LRBA: variants seen among roughly 807,000 people sequenced by gnomAD.
The protein encoded by LRBA is LPS responsive beige-like anchor protein.
In LRBA, 176 loss-of-function variants were observed where a neutral mutation model predicts 330.0. That is an observed-to-expected ratio of 0.53 (90% confidence interval 0.47 to 0.60). The LOEUF is 0.60. LRBA is among the 20% of genes least tolerant of loss of function. The pLI is 0.00. For synonymous variants in LRBA, 1,230 were observed against 1,193.0 expected, an observed-to-expected ratio of 1.03 and a Z score of -0.64; for missense variants, 3,259 against 3,444.8, an observed-to-expected ratio of 0.95 and a Z score of 1.35.
intron 2 of LRBA, among the ~76,000 whole-genome samples, chr4:151,005,156 C>T (rs911518355): frequency 8.0e-5 from 12 of 150,790 alleles, no homozygotes; most frequent in African/African-American, 2.9e-4. Context: ...TTATAAAACA[C>T]CCTGTAATGG....
intron 53 of LRBA, among the ~76,000 whole-genome samples, chr4:150,301,150 G>C (rs995227): frequency 2.0e-5 from 3 of 151,978 alleles, no homozygotes; most frequent in Non-Finnish European, 4.4e-5. Flanking sequence ...AAATTGAAAG[G>C]AGTCACTTAT....
At chr4:150,682,518 T>C (rs968811535) in intron 37 of LRBA, among the ~76,000 whole-genome samples, 2 of 152,194 alleles carry the variant, frequency 1.3e-5, no homozygotes, top group Admixed American at 1.3e-4. Flanking sequence ...TATGCAAATA[T>C]TCTTTGTAAT....
rs1561250534 is a variant in LRBA, at chr4:150,489,286, A to AT, written c.6449-1453_6449-1452insA. Among the ~76,000 whole-genome samples the AT allele has an allele frequency of 8.6e-4, 78 of 90,528 alleles. 7 individuals are homozygous for AT. In the Admixed American group the frequency reaches 0.012, roughly 14 times the overall value. 59.4% of individuals were successfully genotyped at this position (90,528 alleles called of 152,430 possible). On this transcript the variant is annotated intron_variant, in intron 41 of 56. Coordinates refer to ENST00000651943, the MANE Select transcript of LRBA (RefSeq NM_001364905.1). ...TAAGAATATATAATATATTATATAT[A>AT]AGAATATATAATATATTATATATAA...
rs1730568544 is a variant in LRBA, at chr4:150,900,177, A to G, written c.1796T>C (p.Ile599Thr). ...GGTGTTATATATGTTGACTGTACCA[A>G]TGAATTCCGTGGACAGATAAGTATA... ...MLYTYLSTEF[I>T]GTVNIYNTIR... Residue 599 changes from isoleucine to threonine, a missense_variant, in exon 14 of 57, where the codon ATT (isoleucine) becomes ACT (threonine). Coordinates refer to ENST00000651943, the MANE Select transcript of LRBA (RefSeq NM_001364905.1). 1.9e-6 allele frequency: 3 copies of G among 1,613,286 alleles called. No individual in the cohort carries two copies. Among genetic ancestry groups the G allele is most frequent in the Middle Eastern group, 1.7e-4 (1 of 6,058 alleles).
rs376608229 is a variant in LRBA, at chr4:150,725,825, T to C, written c.5754+9433A>G. Reference sequence around the variant, plus strand: ...ATAAAAAGAAAAACAACAGAAAGTTTAAAACTAGAGAGACAAAGTTACAGC... The same window carrying C: ...ATAAAAAGAAAAACAACAGAAAGTTCAAAACTAGAGAGACAAAGTTACAGC... On this transcript the variant is annotated intron_variant, in intron 36 of 56. Coordinates refer to ENST00000651943, the MANE Select transcript of LRBA (RefSeq NM_001364905.1). Among the ~76,000 whole-genome samples, 16 of 152,300 alleles carry C rather than the reference T, an allele frequency of 1.1e-4. No homozygotes were observed. The East Asian group carries it at 2.1e-3, about 20-fold the overall frequency.
In LRBA at chr4:150,286,057, A is replaced by G; in HGVS notation, c.8018-23T>C. On this transcript the variant is annotated intron_variant, in intron 53 of 56. Transcript: ENST00000651943. ...CACCTTTAGGAAAAAACAGATAAAA[A>G]GAACAAATCAATTCAATTTCATGCA... is the stretch of plus-strand genomic sequence containing the variant. The G allele has an allele frequency of 2.1e-6, 3 of 1,459,450 alleles. No homozygotes were observed. In the East Asian group the frequency reaches 7.4e-5, roughly 36 times the overall value. The allele number at this position is 1,459,450 out of a possible 1,614,324, so 90.4% of individuals were successfully genotyped here. A position where few individuals can be genotyped will look rare whatever the true frequency, so the allele number is the denominator to read the frequency against.
chr4:150,443,907 A>G (rs912592279), intron 44 of LRBA, among the ~76,000 whole-genome samples: 3 of 139,522 alleles, frequency 2.2e-5, no homozygotes, highest in African/African-American at 7.7e-5. Flanking sequence ...GCCACCTCCA[A>G]CCAAACTGAC....
chr4:150,796,854 G>A (rs536079312), intron 34 of LRBA, among the ~76,000 whole-genome samples: 18 of 152,004 alleles, frequency 1.2e-4, no homozygotes, highest in African/African-American at 4.3e-4. Flanking sequence ...GTAGACATAA[G>A]AATGCTATAT....
intron 2 of LRBA, 22 bp downstream of exon 2, chr4:151,014,405 T>C: frequency 1.3e-6 from 2 of 1,584,384 alleles, no homozygotes; most frequent in Non-Finnish European, 8.7e-7. Context: ...AGTATATGCT[T>C]ATAAAATATT....
intron 44 of LRBA, among the ~76,000 whole-genome samples, chr4:150,454,033 T>C (rs1200386863): frequency 6.6e-6 from 1 of 152,122 alleles, no homozygotes; most frequent in Non-Finnish European, 1.5e-5. Flanking sequence ...CGATCTCCAC[T>C]CACTGCAACC....
chr4:150,522,343 A>C (rs1462408062), intron 40 of LRBA, among the ~76,000 whole-genome samples: 1 of 152,232 alleles, frequency 6.6e-6, no homozygotes, highest in Non-Finnish European at 1.5e-5. Flanking sequence ...TGTTGTCAAG[A>C]GTAGAATATT....
At chr4:150,844,872 T>C (rs1749627624) in intron 26 of LRBA, 93 bp from the exon 27 acceptor site, 1 of 1,026,700 alleles carries the variant, frequency 9.7e-7, no homozygotes. Flanking sequence ...ATGATTTACA[T>C]AAGATTTTAT....
At chr4:150,274,124 C>T (rs1746470097) in intron 56 of LRBA, among the ~76,000 whole-genome samples, 1 of 152,174 alleles carries the variant, frequency 6.6e-6, no homozygotes, top group Non-Finnish European at 1.5e-5. Flanking sequence ...AGACGCAGTG[C>T]AATCAAATTA....
In LRBA at chr4:151,014,589, C is replaced by G. The variant is rs912987172; in HGVS notation, c.54G>C (p.Gly18=). ...VPSPPPTGDD[G]GGGGREETPT... ...GGGTTTCTTCTCTCCCTCCACCTCC[C>G]CCGTCATCACCTGTTGGTGGCGGGG... Residue 18 remains glycine (G), a synonymous_variant, in exon 2 of 57, where the codon GGG becomes GGC. Transcript: ENST00000651943. 2 of 1,611,708 alleles carry G rather than the reference C, an allele frequency of 1.2e-6. No individual in the cohort carries two copies. The highest frequency in any genetic ancestry group is 2.2e-5 in the East Asian group (1 of 44,882).
intron 40 of LRBA, among the ~76,000 whole-genome samples, chr4:150,554,358 A>C (rs368468427): frequency 1.1e-4 from 16 of 152,242 alleles, no homozygotes; most frequent in African/African-American, 3.6e-4. Context: ...GCGCTGGAGC[A>C]AGAAGGTAAA....
intron 46 of LRBA, among the ~76,000 whole-genome samples, chr4:150,417,327 C>T (rs116057522): frequency 1.3e-5 from 2 of 151,836 alleles, no homozygotes; most frequent in Admixed American, 6.6e-5. Flanking sequence ...TATTAATTTG[C>T]CCAAGTGTGT....
At chr4:150,606,750 T>C (rs904414017) in intron 37 of LRBA, among the ~76,000 whole-genome samples, 4 of 152,206 alleles carry the variant, frequency 2.6e-5, no homozygotes, top group African/African-American at 7.2e-5. Flanking sequence ...CATTTCCTCT[T>C]GAACATCTTA....
At chr4:150,769,172 T>A (rs1370558554) in intron 34 of LRBA, among the ~76,000 whole-genome samples, 1 of 152,042 alleles carries the variant, frequency 6.6e-6, no homozygotes, top group Non-Finnish European at 1.5e-5. Flanking sequence ...CTCGAACTCC[T>A]GACCTCAAGT....
intron 40 of LRBA, among the ~76,000 whole-genome samples, chr4:150,549,757 C>G (rs189035956): frequency 3.8e-4 from 58 of 152,324 alleles, no homozygotes; most frequent in Admixed American, 3.5e-3. Context: ...TTGGAGGGAA[C>G]CTCCATTTGT....
Sources: gnomAD v4.1 joint callset for allele counts (sites outside exome capture counted in the v4.1 genomes callset) on GRCh38, gnomAD v4.1.1 for gene constraint, MANE v1.5 for transcripts, NCBI Gene and HGNC (gene_info 2026-07-23, HGNC 2026-07-21) for gene names.